Variants in DGAT2 observed in about 807,000 individuals in gnomAD.
DGAT2 encodes the protein diacylglycerol O-acyltransferase 2.
Under a neutral mutation model 48.4 loss-of-function variants are expected in DGAT2, and 33 were observed. The observed-to-expected ratio is 0.68, with a 90% CI of 0.52 to 0.91. The LOEUF is 0.91. Among genes scored for constraint, DGAT2 ranks in the 40% least tolerant of loss-of-function variants. The probability of loss-of-function intolerance (pLI) is 0.00; values close to 1 mark genes in which losing one functional copy is unlikely to be tolerated. For missense variants in DGAT2, 446 were observed against 493.7 expected (o/e 0.90, Z 0.92); for synonymous variants, 191 against 194.1 (o/e 0.98, Z 0.13).
At chr11:75,784,827 A>G (rs2135768596) in intron 2 of DGAT2, 81 bp downstream of exon 2, 2 of 1,587,258 alleles carry the variant, frequency 1.3e-6, no homozygotes, top group South Asian at 1.1e-5. Context: ...GCCCTGCTCT[A>G]CAGGGGTGAG....
chr11:75,800,752 C>G lies in DGAT2; in HGVS notation c.*244C>G. The G allele has an allele frequency of 2.1e-6, 1 of 470,450 alleles. No individual in the cohort carries two copies. Among genetic ancestry groups the G allele is most frequent in the Non-Finnish European group, 3.8e-6 (1 of 263,278 alleles). The allele number at this position is 470,450 out of a possible 1,614,324, so 29.1% of individuals were successfully genotyped here. A position where few individuals can be genotyped will look rare whatever the true frequency, so the allele number is the denominator to read the frequency against. ...GGCCTAATCTGGGTGGCTCAGCTAA[C>G]CTCTCTTCTTCCCTTCCTGAAGTGA... On this transcript the variant is annotated 3_prime_UTR_variant, in exon 8 of 8. Coordinates refer to ENST00000228027, the MANE Select transcript of DGAT2 (RefSeq NM_032564.5).
intron 1 of DGAT2, 42 bp from the exon 2 acceptor site, chr11:75,784,574 GGA>G (rs756626035): frequency 6.2e-7 from 1 of 1,609,702 alleles, no homozygotes; most frequent in South Asian, 1.1e-5. Flanking sequence ...CCCCATGACT[GGA>G]GAGAAGGGTG....
rs1465768806 is a variant in DGAT2 at position 75,782,821 on chromosome 11, G to A, written c.122-1797G>A. Among the ~76,000 whole-genome samples the A allele has an allele frequency of 2.0e-5, 3 of 152,220 alleles. No individual in the cohort carries two copies. In the East Asian group the frequency reaches 5.8e-4, roughly 29 times the overall value. The stretch of plus-strand genomic sequence containing the variant: ...GGAAAGGGGAGGTCCTCTAAGCAGG[G>A]TCAGGAATGCTGGGTTTCAGTCCTG... On this transcript the variant is annotated intron_variant, in intron 1 of 7. Transcript: ENST00000228027.
intron 2 of DGAT2, 60 bp from the exon 3 acceptor site, chr11:75,790,128 C>T: frequency 1.6e-6 from 2 of 1,260,498 alleles, no homozygotes; most frequent in Non-Finnish European, 2.3e-6. Context: ...CTCCATCCAC[C>T]ATGGCCCAGA....
chr11:75,790,622 C>A, intron 3 of DGAT2, 39 bp from the exon 4 acceptor site: 1 of 1,597,620 alleles, frequency 6.3e-7, no homozygotes, highest in Non-Finnish European at 8.6e-7. Context: ...CCCAAATGTA[C>A]CCCCACCCCC....
In DGAT2 at chr11:75,784,465, G is replaced by A. The variant is rs910570264; in HGVS notation, c.122-153G>A. 10 of 988,142 alleles carry A rather than the reference G, an allele frequency of 1.0e-5. No homozygotes were observed. In the African/African-American group the frequency reaches 1.5e-4, roughly 14 times the overall value. 61.2% of individuals were successfully genotyped at this position (988,142 alleles called of 1,614,324 possible). The stretch of plus-strand genomic sequence containing the variant: ...GCCCAGAGTTACAAAGCCATGAGGT[G>A]GAGGGCTAGGATCTGAACCCAGGTC... On this transcript the variant is annotated intron_variant, in intron 1 of 7. Coordinates refer to ENST00000228027, the MANE Select transcript of DGAT2 (RefSeq NM_032564.5).
chr11:75,790,764 G>A (rs1417937700), intron 4 of DGAT2, 33 bp downstream of exon 4: 2 of 1,608,628 alleles, frequency 1.2e-6, no homozygotes, highest in African/African-American at 1.3e-5. Flanking sequence ...TTGGGAGGGT[G>A]GGAATGGATG....
At chr11:75,786,062 G>C (rs1944919693) in intron 2 of DGAT2, among the ~76,000 whole-genome samples, 1 of 152,204 alleles carries the variant, frequency 6.6e-6, no homozygotes, top group African/African-American at 2.4e-5. Flanking sequence ...CTTAAAATTA[G>C]ATGCAAGATT....
intron 1 of DGAT2, 49 bp from the exon 2 acceptor site, chr11:75,784,569 T>C: frequency 6.2e-7 from 1 of 1,608,574 alleles, no homozygotes; most frequent in Non-Finnish European, 8.5e-7. Flanking sequence ...GGGGACCCCA[T>C]GACTGGAGAG....
rs1431225099 is a variant in DGAT2 at position 75,801,534 on chromosome 11, C to T, written c.*1026C>T. The T allele has an allele frequency of 2.6e-5, 4 of 152,710 alleles. No homozygotes were observed. The East Asian group carries it at 7.7e-4, about 29-fold the overall frequency. The allele number at this position is 152,710 out of a possible 1,614,324, so 9.5% of individuals were successfully genotyped here. A position where few individuals can be genotyped will look rare whatever the true frequency, so the allele number is the denominator to read the frequency against. Reference sequence around the variant, plus strand: ...GAAAATAAATGAAAGTGAGAATCCTCTATGAGTTATTGCTGGGGCTGCATC... The same window carrying T: ...GAAAATAAATGAAAGTGAGAATCCTTTATGAGTTATTGCTGGGGCTGCATC... On this transcript the variant is annotated 3_prime_UTR_variant, in exon 8 of 8. Coordinates refer to ENST00000228027, the MANE Select transcript of DGAT2 (RefSeq NM_032564.5).
At chr11:75,775,648 C>T (rs547796163) in intron 1 of DGAT2, among the ~76,000 whole-genome samples, 6 of 152,294 alleles carry the variant, frequency 3.9e-5, no homozygotes, top group African/African-American at 1.4e-4. Flanking sequence ...TTCATGCCTC[C>T]CTGTTTCTCT....
intron 2 of DGAT2, among the ~76,000 whole-genome samples, chr11:75,787,073 T>A (rs1792204312): frequency 1.3e-5 from 2 of 150,514 alleles, no homozygotes; most frequent in South Asian, 4.2e-4. Flanking sequence ...TGATTTTTTT[T>A]AAGATATCTG....
rs1276636974 is a variant in DGAT2, at chr11:75,801,490, A to G, written c.*982A>G. Reference sequence around the variant, plus strand: ...CTTGATGAGATCATTGCACCATGTCAGACTTTTGTATATGCCTTGAAAATA... The same window carrying G: ...CTTGATGAGATCATTGCACCATGTCGGACTTTTGTATATGCCTTGAAAATA... On this transcript the variant is annotated 3_prime_UTR_variant, in exon 8 of 8. Coordinates refer to ENST00000228027, the MANE Select transcript of DGAT2 (RefSeq NM_032564.5). 1 of 152,596 alleles carries G rather than the reference A, an allele frequency of 6.6e-6. No individual in the cohort carries two copies. The highest frequency in any genetic ancestry group is 2.4e-5 in the African/African-American group (1 of 41,424). The allele number at this position is 152,596 out of a possible 1,614,324, so 9.5% of individuals were successfully genotyped here. A position where few individuals can be genotyped will look rare whatever the true frequency, so the allele number is the denominator to read the frequency against.
At chr11:75,778,658 C>T (rs919563310) in intron 1 of DGAT2, among the ~76,000 whole-genome samples, 3 of 151,848 alleles carry the variant, frequency 2.0e-5, no homozygotes, top group Non-Finnish European at 4.4e-5. Context: ...CATGGTGAAA[C>T]CCCATCTCTA....
intron 2 of DGAT2, among the ~76,000 whole-genome samples, chr11:75,787,035 A>G (rs1407126323): frequency 2.0e-5 from 3 of 152,210 alleles, no homozygotes; most frequent in Non-Finnish European, 4.4e-5. Flanking sequence ...AATAATTACT[A>G]TAGTTCTTAA....
In DGAT2 at chr11:75,768,935, C is replaced by T; in HGVS notation, c.-57C>T. On this transcript the variant is annotated 5_prime_UTR_variant, in exon 1 of 8. Coordinates refer to ENST00000228027, the MANE Select transcript of DGAT2 (RefSeq NM_032564.5). ...CTGGCCCCGGGGGCCGGGGCATGGG[C>T]CAGGGGCGCGGGGTGAAGCGGCTTC... The T allele has an allele frequency of 7.1e-7, 1 of 1,411,646 alleles. No homozygotes were observed. The highest frequency in any genetic ancestry group is 2.9e-5 in the East Asian group (1 of 34,074). The allele number at this position is 1,411,646 out of a possible 1,614,324, so 87.4% of individuals were successfully genotyped here.
chr11:75,780,231 C>T (rs1374539912), intron 1 of DGAT2, among the ~76,000 whole-genome samples: 2 of 152,174 alleles, frequency 1.3e-5, no homozygotes, highest in East Asian at 1.9e-4. Flanking sequence ...ATCGGCATCC[C>T]CACCAGCTTC....
intron 4 of DGAT2, 66 bp from the exon 5 acceptor site, chr11:75,796,262 C>A: frequency 7.0e-7 from 1 of 1,425,206 alleles, no homozygotes; most frequent in Non-Finnish European, 9.8e-7. Context: ...TCCCTCCCTA[C>A]CCTCCGGGTA....
intron 1 of DGAT2, among the ~76,000 whole-genome samples, chr11:75,778,277 A>T (rs1944821719): frequency 6.6e-6 from 1 of 152,022 alleles, no homozygotes; most frequent in African/African-American, 2.4e-5. Flanking sequence ...TCCCCCAACC[A>T]CAGTGCGCAC....
Sources: allele counts gnomAD v4.1 joint callset (sites outside exome capture counted in the v4.1 genomes callset), GRCh38; gene constraint gnomAD v4.1.1; transcripts MANE v1.5; gene names NCBI Gene and HGNC (gene_info 2026-07-23, HGNC 2026-07-21).